Variants in DOCK1 observed in about 807,000 individuals in gnomAD.
The protein encoded by DOCK1 is dedicator of cytokinesis protein 1.
Under a neutral mutation model 262.7 loss-of-function variants are expected in DOCK1, and 138 were observed. The ratio of observed to expected loss-of-function variants is 0.53; its 90% confidence interval spans 0.46 to 0.61. DOCK1 has a LOEUF of 0.61. Among genes scored for constraint, DOCK1 ranks in the 20% least tolerant of loss-of-function variants. DOCK1 has a pLI of 0.00. For synonymous variants in DOCK1, 866 were observed against 867.4 expected (o/e 1.00, Z 0.03); for missense variants, 1,908 against 2,370.7 (o/e 0.80, Z 4.05).
chr10:126,957,903 C>A (rs1375413372), intron 1 of DOCK1, among the ~76,000 whole-genome samples: 2 of 152,154 alleles, frequency 1.3e-5, no homozygotes, highest in African/African-American at 4.8e-5. Context: ...TAGAAAATAA[C>A]AAACTACTGA....
Position 127,012,197 on chromosome 10 carries a change from G to C in DOCK1, c.1059-35G>C. On this transcript the variant is annotated intron_variant, in intron 11 of 51. Coordinates refer to ENST00000623213, the MANE Select transcript of DOCK1 (RefSeq NM_001290223.2). The surrounding 1 kb of genome is among the most constrained non-coding windows in gnomAD (Gnocchi z 4.0). ...GGCCCATGGGTCTCTGTGCCCCTTT[G>C]TCTCCTGTGGTCTTGGTCGTCCCGT... 1 of 1,171,778 alleles carries C rather than the reference G, an allele frequency of 8.5e-7. No individual in the cohort carries two copies. The highest frequency in any genetic ancestry group is 2.3e-5 in the East Asian group (1 of 42,710). 72.6% of individuals were successfully genotyped at this position (1,171,778 alleles called of 1,614,324 possible).
chr10:127,151,801 A>G (rs1003279175), intron 27 of DOCK1, among the ~76,000 whole-genome samples: 4 of 152,180 alleles, frequency 2.6e-5, no homozygotes, highest in African/African-American at 9.6e-5. Context: ...TCTTCTAGCA[A>G]GTGGACCAGT....
chr10:127,070,901 CTG>C, intron 23 of DOCK1, among the ~76,000 whole-genome samples: 1 of 152,132 alleles, frequency 6.6e-6, no homozygotes, highest in African/African-American at 2.4e-5. Context: ...CAGACAGCTG[CTG>C]TGTGAGCAGT....
chr10:127,395,763 T>G (rs1217012671), intron 38 of DOCK1, among the ~76,000 whole-genome samples: 2 of 150,896 alleles, frequency 1.3e-5, no homozygotes, highest in East Asian at 3.9e-4. Flanking sequence ...AGTGATGTCA[T>G]GAGACTTCAA....
At chr10:127,046,654 A>G (rs2044364275) in intron 21 of DOCK1, among the ~76,000 whole-genome samples, 1 of 151,278 alleles carries the variant, frequency 6.6e-6, no homozygotes, top group Non-Finnish European at 1.5e-5. Context: ...CCAGCTAATC[A>G]GAAGGCTGAG....
chr10:127,026,449 C>G, intron 16 of DOCK1, 25 bp downstream of exon 16: 1 of 1,562,232 alleles, frequency 6.4e-7, no homozygotes, highest in Non-Finnish European at 8.7e-7. Flanking sequence ...ACTTTCTTCC[C>G]CCAAGTATTT....
chr10:126,907,316 G>A (rs1164827408), intron 1 of DOCK1, among the ~76,000 whole-genome samples: 1 of 152,130 alleles, frequency 6.6e-6, no homozygotes, highest in Admixed American at 6.5e-5. Flanking sequence ...AGAGGAGCAG[G>A]CATCCCATAG....
At chr10:127,023,403 A>G in intron 14 of DOCK1, 79 bp downstream of exon 14, 1 of 1,568,826 alleles carries the variant, frequency 6.4e-7, no homozygotes, top group South Asian at 1.2e-5. Flanking sequence ...GCTACAGCAT[A>G]GATGTCGTCA....
intron 27 of DOCK1, among the ~76,000 whole-genome samples, chr10:127,246,449 G>A (rs2059433665): frequency 6.6e-6 from 1 of 152,210 alleles, no homozygotes; most frequent in Non-Finnish European, 1.5e-5. Flanking sequence ...TACAAAGGCA[G>A]CCTTTCTTGA....
intron 27 of DOCK1, among the ~76,000 whole-genome samples, chr10:127,197,921 A>G (rs1009484016): frequency 6.6e-6 from 1 of 152,130 alleles, no homozygotes; most frequent in African/African-American, 2.4e-5. Context: ...AATGTCATCT[A>G]TTTCCCTCTT....
intron 38 of DOCK1, among the ~76,000 whole-genome samples, chr10:127,390,001 C>G (rs1418072153): frequency 1.0e-5 from 1 of 97,884 alleles, no homozygotes; most frequent in Non-Finnish European, 2.0e-5. Context: ...GCGACAGGAA[C>G]TCTGTCTCAA....
intron 18 of DOCK1, among the ~76,000 whole-genome samples, chr10:127,037,174 G>A (rs2135578377): frequency 6.6e-6 from 1 of 152,224 alleles, no homozygotes; most frequent in Non-Finnish European, 1.5e-5. Flanking sequence ...GGTGAGGGCC[G>A]GAAGCTCACT....
intron 1 of DOCK1, among the ~76,000 whole-genome samples, chr10:126,906,301 C>T (rs758688356): frequency 9.9e-5 from 15 of 152,192 alleles, no homozygotes; most frequent in Non-Finnish European, 1.3e-4. Context: ...AGTGCGCATT[C>T]CTGAGAGGGA....
At chr10:126,955,489 T>C (rs2036657116) in intron 1 of DOCK1, among the ~76,000 whole-genome samples, 2 of 152,194 alleles carry the variant, frequency 1.3e-5, no homozygotes, top group African/African-American at 4.8e-5. Context: ...TTGTAGCCAG[T>C]CCTGCTGGGA....
chr10:126,949,875 C>G (rs1314153791), intron 1 of DOCK1, among the ~76,000 whole-genome samples: 3 of 151,968 alleles, frequency 2.0e-5, no homozygotes, highest in African/African-American at 7.2e-5. Context: ...AGGCAAAGCT[C>G]TGTCTGGCTC....
chr10:127,259,544 G>C (rs1037570284), intron 29 of DOCK1, among the ~76,000 whole-genome samples: 1 of 152,190 alleles, frequency 6.6e-6, no homozygotes, highest in African/African-American at 2.4e-5. Context: ...TGAGCACAGG[G>C]TGTGGAGGCG....
chr10:127,220,690 C>CGGAGGGT (rs988960987), intron 27 of DOCK1, among the ~76,000 whole-genome samples: 1 of 151,596 alleles, frequency 6.6e-6, no homozygotes, highest in Non-Finnish European at 1.5e-5. Flanking sequence ...ATATGGAGGG[C>CGGAGGGT]GGAGGGTGGA....
At chr10:127,003,906 ATT>A in intron 10 of DOCK1, among the ~76,000 whole-genome samples, 1 of 152,064 alleles carries the variant, frequency 6.6e-6, no homozygotes, top group Middle Eastern at 3.4e-3. Flanking sequence ...GTGAGCTAAG[ATT>A]GTGTCACTGC....
chr10:126,948,687 C>T (rs1564998601), intron 1 of DOCK1, among the ~76,000 whole-genome samples: 1 of 151,964 alleles, frequency 6.6e-6, no homozygotes, highest in African/African-American at 2.4e-5. Context: ...CCCAGGAATC[C>T]TCACCTCTCG....
Sources: gnomAD v4.1 joint callset for allele counts (sites outside exome capture counted in the v4.1 genomes callset) on GRCh38, gnomAD v4.1.1 for gene constraint, Gnocchi (gnomAD v3.1) non-coding constraint, MANE v1.5 for transcripts, NCBI Gene and HGNC (gene_info 2026-07-23, HGNC 2026-07-21) for gene names.